F8: variants seen among roughly 807,000 people sequenced by gnomAD.
F8 encodes the protein antihemophilic factor.
F8 carries 12 observed loss-of-function variants against 140.6 expected under a neutral mutation model. That is an observed-to-expected ratio of 0.09 (90% CI 0.05 to 0.14). The LOEUF (loss-of-function observed/expected upper bound fraction) is 0.14, where lower values mean the gene tolerates loss of function less well. Among genes scored for constraint, F8 ranks in the 10% least tolerant of loss-of-function variants. The pLI, the probability that F8 is intolerant of heterozygous loss-of-function variation, is 1.00. For missense variants in F8, 1,354 were observed against 1,720.7 expected, an observed-to-expected ratio of 0.79 and a Z score of 3.77; for synonymous variants, 585 against 614.6, an observed-to-expected ratio of 0.95 and a Z score of 0.71.
chrX:154,888,451 G>C (rs1266255942), intron 22 of F8, among the ~76,000 whole-genome samples: 1 of 73,451 alleles, frequency 1.4e-5, no homozygotes, highest in East Asian at 4.4e-4. Context: ...CAGGAGCGCA[G>C]TGGCGTGATC....
intron 6 of F8, among the ~76,000 whole-genome samples, chrX:154,971,372 T>C (rs1368794060): frequency 9.0e-6 from 1 of 111,684 alleles, no homozygotes; most frequent in East Asian, 2.8e-4. Context: ...TTTATCCTAA[T>C]GGGCAATTTT....
intron 6 of F8, among the ~76,000 whole-genome samples, chrX:154,978,488 C>G (rs782070495): frequency 3.6e-5 from 4 of 112,024 alleles, no homozygotes; most frequent in Non-Finnish European, 5.6e-5. Context: ...TCCAATTACA[C>G]TCTTTATTTT....
At chrX:154,928,427 A>G (rs2073171421) in intron 14 of F8, 144 bp downstream of exon 14, 1 of 548,971 alleles carries the variant, frequency 1.8e-6, no homozygotes, top group Non-Finnish European at 3.0e-6. Flanking sequence ...ACCCTCTTGT[A>G]AACCTCTCTT....
chrX:154,875,825 T>C (rs2072808164), intron 22 of F8, among the ~76,000 whole-genome samples: 1 of 110,038 alleles, frequency 9.1e-6, no homozygotes, highest in Non-Finnish European at 1.9e-5. Flanking sequence ...TCCCACTGTA[T>C]GAATTAATGA....
In F8 at chrX:155,005,081, G is replaced by C. The variant is rs139748763; in HGVS notation, c.144-5481C>G. On this transcript the variant is annotated intron_variant, in intron 1 of 25. Coordinates refer to ENST00000360256, the MANE Select transcript of F8 (RefSeq NM_000132.4). ...AACTCTGGGCTCTGAGAGTTTAGAAGTACTGGTTCTTAAAAGGGGAATATG... is the reference window on the plus strand; with the variant it reads ...AACTCTGGGCTCTGAGAGTTTAGAACTACTGGTTCTTAAAAGGGGAATATG... Among the ~76,000 whole-genome samples the C allele has an allele frequency of 1.8e-4, 20 of 111,915 alleles. No individual in the cohort carries two copies. The East Asian group carries it at 5.6e-3, about 31-fold the overall frequency.
chrX:154,929,913 C>T lies in F8; in HGVS notation c.3877G>A (p.Glu1293Lys). The T allele has an allele frequency of 8.3e-7, 1 of 1,211,381 alleles. No homozygotes were observed. Among genetic ancestry groups the T allele is most frequent in the South Asian group, 1.8e-5 (1 of 56,977 alleles). ...TTTCCCAAGCCTTCCAAGTTTTCTT[C>T]CTCCCCTTTTTTTGAGAAATGAGCT... ...HTAHFSKKGEEENLEGLGNQT... is the reference protein window; with the variant it reads ...HTAHFSKKGEKENLEGLGNQT... The change falls in exon 14 of 26, where the codon GAA (glutamate) becomes AAA (lysine). Residue 1293 changes from glutamate to lysine, a missense_variant. This residue lies in a region of F8 where 658 missense variants were observed against 666.5 expected (regional missense o/e 0.99). Coordinates refer to ENST00000360256, the MANE Select transcript of F8 (RefSeq NM_000132.4).
At chrX:154,877,008 G>A (rs956267953) in intron 22 of F8, among the ~76,000 whole-genome samples, 1 of 112,256 alleles carries the variant, frequency 8.9e-6, no homozygotes, top group Non-Finnish European at 1.9e-5. Flanking sequence ...AGTAGAAGAA[G>A]TTTTGAAATG....
intron 5 of F8, among the ~76,000 whole-genome samples, chrX:154,986,704 A>T (rs926416027): frequency 9.0e-6 from 1 of 111,247 alleles, no homozygotes; most frequent in Admixed American, 9.6e-5. Context: ...TGGCAATGTA[A>T]ATTGATAAGG....
chrX:154,904,305 G>A lies in F8; in HGVS notation c.5806C>T (p.Arg1936Cys), dbSNP rs781792644. 5.0e-6 allele frequency: 6 copies of A among 1,204,881 alleles called. No individual in the cohort carries two copies. The highest frequency in any genetic ancestry group is 6.7e-6 in the Non-Finnish European group (6 of 889,270). ...ATGTGGAATATATTACCATGGAAGC[G>A]ATAATTCTCTTTAAAAGTGGGATCT... ...MEDPTFKENYRFHAINGYIMD... is the reference protein window; with the variant it reads ...MEDPTFKENYCFHAINGYIMD... The change falls in exon 17 of 26, where the codon CGC (arginine) becomes TGC (cysteine). Residue 1936 changes from arginine to cysteine, a missense_variant. This residue lies in a region of F8 where 316 missense variants were observed against 485.4 expected (regional missense o/e 0.65). Coordinates refer to ENST00000360256, the MANE Select transcript of F8 (RefSeq NM_000132.4).
chrX:154,961,145 G>A lies in F8; in HGVS notation c.1467C>T (p.Ser489=), dbSNP rs781877967. 4 of 1,191,488 alleles carry A rather than the reference G, an allele frequency of 3.4e-6. No individual in the cohort carries two copies. The African/African-American group carries it at 7.0e-5, about 21-fold the overall frequency. Residue 489 remains serine, a synonymous_variant, in exon 10 of 26, where the codon AGC becomes AGT. Transcript: ENST00000360256. ...CGTGAGGGTAGATGTTATATGGTCT[G>A]CTTGCTTGATTCTTAAATATAATCT... ...TLLIIFKNQA[S]RPYNIYPHGI...
At chrX:155,021,173 TATAATGTCCCAATTTTATAAAACAA>T (rs1209442819) in intron 1 of F8, among the ~76,000 whole-genome samples, 1 of 111,957 alleles carries the variant, frequency 8.9e-6, no homozygotes, top group South Asian at 3.7e-4. Context: ...GAAATGTGTG[TATAATGTCCCAATTTTATAAAACAA>T]ATAATGTCCA....
chrX:154,874,196 C>T (rs1162905626), intron 22 of F8, among the ~76,000 whole-genome samples: 2 of 112,484 alleles, frequency 1.8e-5, no homozygotes, highest in East Asian at 2.8e-4. Flanking sequence ...ATATAAAAGG[C>T]CAACAGATAA....
intron 22 of F8, 33 bp from the exon 23 acceptor site, chrX:154,863,260 A>C (rs1557272985): frequency 8.4e-7 from 1 of 1,189,823 alleles, no homozygotes; most frequent in Admixed American, 2.2e-5. Flanking sequence ...ATACATGGAA[A>C]GTGAATACAG....
intron 6 of F8, 62 bp downstream of exon 6, chrX:154,984,625 G>A (rs2073548055): frequency 4.7e-6 from 4 of 855,054 alleles, no homozygotes; most frequent in Non-Finnish European, 7.0e-6. Context: ...GTGAACTGAA[G>A]TACAGAACTC....
At chrX:154,906,952 A>T (rs989625834) in intron 14 of F8, among the ~76,000 whole-genome samples, 4 of 112,353 alleles carry the variant, frequency 3.6e-5, no homozygotes, top group Non-Finnish European at 7.5e-5. Flanking sequence ...AACTAAAAAA[A>T]TTGTGAACTA....
intron 22 of F8, among the ~76,000 whole-genome samples, chrX:154,892,735 G>A (rs1038698703): frequency 7.2e-5 from 8 of 111,791 alleles, no homozygotes; most frequent in African/African-American, 2.6e-4. Flanking sequence ...TGGGAACAGA[G>A]TATTACCATC....
At chrX:154,942,300 A>C (rs1557279858) in intron 13 of F8, among the ~76,000 whole-genome samples, 2 of 111,162 alleles carry the variant, frequency 1.8e-5, no homozygotes, top group African/African-American at 6.5e-5. Context: ...AGAGAGAAGA[A>C]TCAAATAGAT....
At chrX:155,005,329 C>T (rs1294158819) in intron 1 of F8, among the ~76,000 whole-genome samples, 2 of 110,753 alleles carry the variant, frequency 1.8e-5, no homozygotes, top group African/African-American at 3.3e-5. Flanking sequence ...TCTTAGTATT[C>T]CCTTGTTCAA....
chrX:154,948,000 G>T, intron 12 of F8, 93 bp from the exon 13 acceptor site: 1 of 684,916 alleles, frequency 1.5e-6, no homozygotes, highest in Non-Finnish European at 2.3e-6. Flanking sequence ...ATTATTATAT[G>T]TTATGCCCAT....
Sources: gnomAD v4.1 joint callset for allele counts (sites outside exome capture counted in the v4.1 genomes callset) on GRCh38, gnomAD v4.1.1 for gene constraint, gnomAD v4.1.1 regional missense constraint, MANE v1.5 for transcripts, NCBI Gene and HGNC (gene_info 2026-07-23, HGNC 2026-07-21) for gene names.